ULK2: variants seen among roughly 807,000 people sequenced by gnomAD.
ULK2 encodes the protein unc-51 like autophagy activating kinase 2, also known as serine/threonine-protein kinase ULK2.
ULK2 carries 76 observed loss-of-function variants against 127.5 expected under a neutral mutation model. The ratio of observed to expected loss-of-function variants is 0.60; its 90% CI spans 0.50 to 0.72. The LOEUF (loss-of-function observed/expected upper bound fraction) is 0.72. Ranked by LOEUF, ULK2 falls within the 30% of genes least tolerant of loss-of-function variation. ULK2 has a pLI of 0.00. For synonymous variants in ULK2, 452 were observed against 461.9 expected, an observed-to-expected ratio of 0.98 and a Z score of 0.28; for missense variants, 1,144 against 1,295.9, an observed-to-expected ratio of 0.88 and a Z score of 1.80.
chr17:19,795,548 G>C, intron 20 of ULK2, 74 bp downstream of exon 20: 3 of 1,218,924 alleles, frequency 2.5e-6, no homozygotes, highest in Non-Finnish European at 3.6e-6. Flanking sequence ...GTGATGATTT[G>C]TTACAACAGC....
chr17:19,853,611 G>C (rs1260911875), intron 3 of ULK2, among the ~76,000 whole-genome samples: 3 of 145,144 alleles, frequency 2.1e-5, no homozygotes, highest in African/African-American at 7.7e-5. Flanking sequence ...TCACTCTATT[G>C]CCCAGGCTGG....
chr17:19,857,918 C>G (rs281327), intron 3 of ULK2, among the ~76,000 whole-genome samples: 8,271 of 151,988 alleles, frequency 0.054, 381 homozygotes, highest in East Asian at 0.24. Context: ...TTTACAGAAG[C>G]CTTCATCTCC....
At chr17:19,824,679 G>C (rs1419180281) in intron 12 of ULK2, among the ~76,000 whole-genome samples, 1 of 152,104 alleles carries the variant, frequency 6.6e-6, no homozygotes, top group East Asian at 1.9e-4. Context: ...ATCTGGCTCA[G>C]AGGTGACTCC....
chr17:19,801,543 C>G (rs2087397669), intron 16 of ULK2, among the ~76,000 whole-genome samples: 1 of 152,160 alleles, frequency 6.6e-6, no homozygotes, highest in Non-Finnish European at 1.5e-5. Flanking sequence ...ATCATGCCCC[C>G]TGCACTCCAG....
chr17:19,810,113 C>A (rs2087602345), intron 14 of ULK2, among the ~76,000 whole-genome samples: 1 of 151,820 alleles, frequency 6.6e-6, no homozygotes, highest in Admixed American at 6.6e-5. Flanking sequence ...CACCTATAGT[C>A]CCAGCTACTC....
chr17:19,844,701 A>C (rs1393958641), intron 7 of ULK2, among the ~76,000 whole-genome samples: 2 of 152,186 alleles, frequency 1.3e-5, no homozygotes, highest in Non-Finnish European at 2.9e-5. Context: ...AACCCATTTT[A>C]AATTTAGAAC....
intron 3 of ULK2, chr17:19,861,077 A>G (rs1048967793): frequency 2.0e-5 from 3 of 151,864 alleles, no homozygotes; most frequent in Non-Finnish European, 4.4e-5. Flanking sequence ...AAAAAAAAAG[A>G]AAAACAAATT....
intron 10 of ULK2, among the ~76,000 whole-genome samples, chr17:19,835,208 G>A (rs1314054973): frequency 1.3e-5 from 2 of 150,318 alleles, no homozygotes; most frequent in Non-Finnish European, 3.0e-5. Flanking sequence ...GGAGTGTAGT[G>A]GCGCGATCTT....
chr17:19,852,421 T>C (rs1390786977), intron 3 of ULK2, among the ~76,000 whole-genome samples: 1 of 145,316 alleles, frequency 6.9e-6, no homozygotes, highest in Non-Finnish European at 1.5e-5. Flanking sequence ...CTTGGGAGGC[T>C]GAGGCAGGAG....
chr17:19,850,778 T>C (rs2041996076), intron 3 of ULK2, among the ~76,000 whole-genome samples: 1 of 151,702 alleles, frequency 6.6e-6, no homozygotes, highest in African/African-American at 2.4e-5. Flanking sequence ...TGAGCCGAGA[T>C]CATCGAGATC....
chr17:19,859,047 T>C (rs1016366477), intron 3 of ULK2, among the ~76,000 whole-genome samples: 1 of 152,208 alleles, frequency 6.6e-6, no homozygotes, highest in African/African-American at 2.4e-5. Context: ...CCCAGCACTT[T>C]AGGAAGCCAA....
chr17:19,813,807 A>G (rs558980520), intron 13 of ULK2, among the ~76,000 whole-genome samples: 1 of 152,336 alleles, frequency 6.6e-6, no homozygotes, highest in African/African-American at 2.4e-5. Context: ...AGAAACCTAA[A>G]TAAGTGGAGA....
chr17:19,818,816 T>C (rs1174403367), intron 12 of ULK2, among the ~76,000 whole-genome samples: 2 of 144,608 alleles, frequency 1.4e-5, no homozygotes, highest in African/African-American at 5.2e-5. Flanking sequence ...TTTTTTTTTT[T>C]TTGAGATGGA....
chr17:19,811,529 C>A (rs1187776465), intron 13 of ULK2, among the ~76,000 whole-genome samples: 1 of 151,940 alleles, frequency 6.6e-6, no homozygotes, highest in South Asian at 2.1e-4. Flanking sequence ...GCAACCTCTG[C>A]CTCTAAGGTT....
chr17:19,785,093 T>G (rs1262234133), intron 21 of ULK2, among the ~76,000 whole-genome samples: 3 of 152,194 alleles, frequency 2.0e-5, no homozygotes, highest in Admixed American at 2.0e-4. Flanking sequence ...TTTCTTAAGT[T>G]TTGGTATTAA....
chr17:19,827,864 C>G (rs1255184591), intron 10 of ULK2, among the ~76,000 whole-genome samples: 1 of 151,810 alleles, frequency 6.6e-6, no homozygotes, highest in African/African-American at 2.4e-5. Context: ...GAGCCGAGAA[C>G]CTGCCATTGC....
intron 3 of ULK2, among the ~76,000 whole-genome samples, chr17:19,856,509 G>A (rs1369765055): frequency 6.6e-6 from 1 of 151,744 alleles, no homozygotes; most frequent in African/African-American, 2.4e-5. Context: ...GGGAACCTGG[G>A]AGGCAGAGCT....
At chr17:19,800,312 G>GA (rs2087371154) in intron 16 of ULK2, among the ~76,000 whole-genome samples, 1 of 151,612 alleles carries the variant, frequency 6.6e-6, no homozygotes, top group African/African-American at 2.4e-5. Context: ...AACTAACACA[G>GA]AGAGAGAGAG....
intron 3 of ULK2, among the ~76,000 whole-genome samples, chr17:19,854,175 G>C (rs1347234238): frequency 1.3e-5 from 2 of 151,732 alleles, no homozygotes; most frequent in Admixed American, 1.3e-4. Context: ...CTACTCGGAA[G>C]GCTGAAGGAG....
Sources: gnomAD v4.1 joint callset for allele counts (sites outside exome capture counted in the v4.1 genomes callset) on GRCh38, gnomAD v4.1.1 for gene constraint, MANE v1.5 for transcripts, NCBI Gene and HGNC (gene_info 2026-07-23, HGNC 2026-07-21) for gene names.